The following KCNH1 variants were observed in gnomAD, a reference collection of about 807,000 sequenced individuals.
The protein encoded by KCNH1 is voltage-gated delayed rectifier potassium channel KCNH1.
KCNH1 carries 27 observed loss-of-function variants against 69.2 expected under a neutral mutation model. The ratio of observed to expected loss-of-function variants is 0.39; its 90% CI spans 0.29 to 0.54. KCNH1 has a LOEUF of 0.54. Among genes scored for constraint, KCNH1 ranks in the 20% least tolerant of loss-of-function variants. The probability of loss-of-function intolerance (pLI) is 0.68; values close to 1 mark genes in which losing one functional copy is unlikely to be tolerated. For missense variants in KCNH1, 798 were observed against 1,261.6 expected (o/e 0.63, Z 5.57); for synonymous variants, 456 against 487.7 (o/e 0.93, Z 0.86).
chr1:210,849,817 T>C (rs1361579655), intron 7 of KCNH1, among the ~76,000 whole-genome samples: 2 of 152,168 alleles, frequency 1.3e-5, no homozygotes, highest in Admixed American at 6.5e-5. Context: ...CTTGAAAAGA[T>C]GACCAATAAA....
intron 6 of KCNH1, among the ~76,000 whole-genome samples, chr1:210,952,368 A>G (rs1688080130): frequency 6.6e-6 from 1 of 152,114 alleles, no homozygotes; most frequent in Non-Finnish European, 1.5e-5. Context: ...ATAAAGCCTC[A>G]TCTTTCTATC....
At chr1:210,849,113 T>C (rs1685626120) in intron 7 of KCNH1, among the ~76,000 whole-genome samples, 1 of 152,220 alleles carries the variant, frequency 6.6e-6, no homozygotes, top group African/African-American at 2.4e-5. Context: ...CTTACACATA[T>C]ACATACATGT....
At chr1:211,025,716 C>T (rs1168888284) in intron 5 of KCNH1, among the ~76,000 whole-genome samples, 1 of 152,086 alleles carries the variant, frequency 6.6e-6, no homozygotes, top group Admixed American at 6.5e-5. Flanking sequence ...GGCATAAAAC[C>T]CCTCCTGGCT....
chr1:210,908,625 T>C (rs978720182), intron 7 of KCNH1, among the ~76,000 whole-genome samples: 3 of 152,210 alleles, frequency 2.0e-5, no homozygotes, highest in Non-Finnish European at 4.4e-5. Flanking sequence ...CCAGGCTTCA[T>C]AGGGACTTCT....
At chr1:210,814,317 G>A (rs1342056878) in intron 7 of KCNH1, among the ~76,000 whole-genome samples, 1 of 151,886 alleles carries the variant, frequency 6.6e-6, no homozygotes, top group African/African-American at 2.4e-5. Flanking sequence ...TAATAAGTGG[G>A]ATAATATATA....
rs555276276 is a variant in KCNH1, at chr1:210,975,921, C to T, written c.1032+42862G>A. Among the ~76,000 whole-genome samples the T allele has an allele frequency of 2.0e-4, 31 of 152,192 alleles. No individual in the cohort carries two copies. The East Asian group carries it at 5.4e-3, about 27-fold the overall frequency. On this transcript the variant is annotated intron_variant, in intron 6 of 10. Coordinates refer to ENST00000271751, the MANE Select transcript of KCNH1 (RefSeq NM_172362.3). ...ACTTACAAGAAAAAAACAAACAACC[C>T]CATCAAAAAGTAGGCGAAGGATATG...
chr1:210,951,260 G>A (rs1302684418), intron 6 of KCNH1, among the ~76,000 whole-genome samples: 4 of 152,198 alleles, frequency 2.6e-5, no homozygotes, highest in Non-Finnish European at 4.4e-5. Flanking sequence ...GCTTGGGGGT[G>A]AGGGGGCATA....
chr1:211,126,008 G>C lies in KCNH1; in HGVS notation c.79+7859C>G, dbSNP rs537629419. ...CATTAACAGGAGTGTTTCACTGTTA[G>C]AGCAGAAACTGTGAGAATCAAGGGA... On this transcript the variant is annotated intron_variant, in intron 1 of 10. Coordinates refer to ENST00000271751, the MANE Select transcript of KCNH1 (RefSeq NM_172362.3). Among the ~76,000 whole-genome samples the C allele has an allele frequency of 7.9e-5, 12 of 152,286 alleles. No individual in the cohort carries two copies. The South Asian group carries it at 2.3e-3, about 29-fold the overall frequency.
chr1:211,080,057 A>G (rs1247815571), intron 5 of KCNH1, among the ~76,000 whole-genome samples: 1 of 152,238 alleles, frequency 6.6e-6, no homozygotes, highest in African/African-American at 2.4e-5. Flanking sequence ...ATGACTGTAT[A>G]TTTAGAAAAC....
intron 7 of KCNH1, among the ~76,000 whole-genome samples, chr1:210,913,613 A>T (rs1412289115): frequency 1.3e-5 from 2 of 152,194 alleles, no homozygotes; most frequent in Non-Finnish European, 2.9e-5. Context: ...ATTTGAATCA[A>T]AGTCTCTCAA....
At chr1:211,072,093 TG>T (rs1333650996) in intron 5 of KCNH1, among the ~76,000 whole-genome samples, 2 of 152,062 alleles carry the variant, frequency 1.3e-5, no homozygotes, top group Non-Finnish European at 2.9e-5. Flanking sequence ...CTGGCCAGCA[TG>T]GTGAAACCCC....
At chr1:211,086,676 T>C (rs1290199194) in intron 4 of KCNH1, among the ~76,000 whole-genome samples, 1 of 152,164 alleles carries the variant, frequency 6.6e-6, no homozygotes, top group Non-Finnish European at 1.5e-5. Flanking sequence ...CAATGGCTGG[T>C]GGGTGTCAAC....
chr1:210,956,124 T>A (rs1361094437), intron 6 of KCNH1, among the ~76,000 whole-genome samples: 11 of 152,238 alleles, frequency 7.2e-5, no homozygotes, highest in Admixed American at 7.2e-4. Flanking sequence ...GGCTGTTGAA[T>A]ATTGTCAAAG....
At chr1:210,815,365 C>T (rs1353941663) in intron 7 of KCNH1, among the ~76,000 whole-genome samples, 1 of 152,120 alleles carries the variant, frequency 6.6e-6, no homozygotes, top group African/African-American at 2.4e-5. Context: ...AGGTAGTTAA[C>T]CTTACTCTAC....
chr1:211,060,881 T>G (rs979740961), intron 5 of KCNH1, among the ~76,000 whole-genome samples: 1 of 151,952 alleles, frequency 6.6e-6, no homozygotes, highest in East Asian at 1.9e-4. Flanking sequence ...TTACCAAACA[T>G]AAACAAGAAC....
At chr1:210,706,771 A>T (rs1681923691) in intron 10 of KCNH1, among the ~76,000 whole-genome samples, 1 of 152,262 alleles carries the variant, frequency 6.6e-6, no homozygotes, top group African/African-American at 2.4e-5. Flanking sequence ...AATTCTCATC[A>T]CATCACCCCA....
intron 7 of KCNH1, among the ~76,000 whole-genome samples, chr1:210,810,837 T>C (rs74156087): frequency 0.032 from 4,871 of 152,306 alleles, 247 homozygotes; most frequent in African/African-American, 0.11. Flanking sequence ...TAGAAATATA[T>C]GGTAATCCTT....
chr1:210,747,927 CCTTT>C (rs572127622), intron 10 of KCNH1, among the ~76,000 whole-genome samples: 46 of 152,200 alleles, frequency 3.0e-4, no homozygotes, highest in Admixed American at 6.5e-4. Context: ...GAGATGAGAT[CCTTT>C]GACAGGGAAC....
intron 7 of KCNH1, among the ~76,000 whole-genome samples, chr1:210,836,008 T>C (rs904659015): frequency 1.3e-5 from 2 of 149,352 alleles, no homozygotes; most frequent in African/African-American, 4.9e-5. Context: ...TGCACCCCTG[T>C]AGTCCCAGCT....
Sources: gnomAD v4.1 joint callset for allele counts (sites outside exome capture counted in the v4.1 genomes callset) on GRCh38, gnomAD v4.1.1 for gene constraint, MANE v1.5 for transcripts, NCBI Gene and HGNC (gene_info 2026-07-23, HGNC 2026-07-21) for gene names.